The following ZNF766 variants were observed in gnomAD, a reference collection of about 807,000 sequenced individuals.
ZNF766 encodes the protein zinc finger protein 766.
ZNF766 carries 13 observed loss-of-function variants against 13.2 expected under a neutral mutation model. That is an observed-to-expected ratio of 0.98 (90% CI 0.64 to 1.56). The LOEUF is 1.56. Among genes scored for constraint, ZNF766 ranks in the 40% most tolerant of loss-of-function variants. The pLI, the probability that ZNF766 is intolerant of heterozygous loss-of-function variation, is 0.00. For synonymous variants in ZNF766, 178 were observed against 187.6 expected (o/e 0.95, Z 0.42); for missense variants, 521 against 552.2 (o/e 0.94, Z 0.57).
chr19:52,270,515 G>A (rs1980931388), intron 1 of ZNF766, among the ~76,000 whole-genome samples: 1 of 152,026 alleles, frequency 6.6e-6, no homozygotes. Context: ...GGGGAGAGGA[G>A]GAGGGATTTG....
rs771070693 is a variant in ZNF766, at chr19:52,290,241, A to G, written c.450A>G (p.Gln150=). The G allele has an allele frequency of 3.1e-6, 5 of 1,614,014 alleles. No individual in the cohort carries two copies. The highest frequency in any genetic ancestry group is 2.2e-5 in the South Asian group (2 of 91,078). Residue 150 remains glutamine (Q), a synonymous_variant, in exon 4 of 4, where the codon CAA becomes CAG. Coordinates refer to ENST00000439461, the MANE Select transcript of ZNF766 (RefSeq NM_001010851.3). The stretch of plus-strand genomic sequence containing the variant: ...ACAGTTCTTCAGTTTCGCCACTTCA[A>G]AGAATTTACTCTGGGGTCAAAACCC... ...ISHSSSVSPL[Q]RIYSGVKTHI... is the part of the protein sequence containing the mutation.
intron 1 of ZNF766, among the ~76,000 whole-genome samples, chr19:52,271,980 CAAAAAAAA>C (rs371229113): frequency 3.4e-5 from 3 of 89,194 alleles, no homozygotes; most frequent in Admixed American, 1.4e-4. Context: ...GAGACTGTCT[CAAAAAAAA>C]AAAAAAAAAA....
chr19:52,287,348 G>A (rs10409722), intron 3 of ZNF766, among the ~76,000 whole-genome samples: 27,588 of 151,586 alleles, frequency 0.18, 2,512 homozygotes, highest in East Asian at 0.26. Context: ...TCACTGTGTT[G>A]GTCAGGCTGG....
chr19:52,290,382 A>G lies in ZNF766; in HGVS notation c.591A>G (p.Arg197=), dbSNP rs767640364. 1.2e-6 allele frequency: 2 copies of G among 1,614,016 alleles called. No individual in the cohort carries two copies. The highest frequency in any genetic ancestry group is 3.3e-5 in the Admixed American group (2 of 60,026). ...YECNEQGKVF[R]VSSSLPNHQV... is the part of the protein sequence containing the mutation. The stretch of plus-strand genomic sequence containing the variant: ...GTAATGAGCAGGGCAAAGTCTTCAG[A>G]GTGTCTTCAAGCCTTCCTAATCATC... The change falls in exon 4 of 4, where the codon AGA becomes AGG. Residue 197 remains arginine, a synonymous_variant. Transcript: ENST00000439461.
intron 1 of ZNF766, among the ~76,000 whole-genome samples, chr19:52,281,156 A>C (rs1029547710): frequency 8.8e-5 from 13 of 148,362 alleles, no homozygotes; most frequent in African/African-American, 1.7e-4. Flanking sequence ...ACTCCATCTA[A>C]AAAAAAAAAA....
chr19:52,270,652 CAG>C (rs1189099167), intron 1 of ZNF766, among the ~76,000 whole-genome samples: 2 of 151,674 alleles, frequency 1.3e-5, no homozygotes, highest in Non-Finnish European at 2.9e-5. Context: ...GGGGGCGTGA[CAG>C]AGAAGAGGGA....
intron 1 of ZNF766, among the ~76,000 whole-genome samples, chr19:52,281,105 A>G (rs554492510): frequency 2.2e-4 from 33 of 151,374 alleles, no homozygotes; most frequent in African/African-American, 7.8e-4. Flanking sequence ...TGGTGAACCG[A>G]GATCGCACCA....
chr19:52,275,760 A>C (rs180709794), intron 1 of ZNF766, among the ~76,000 whole-genome samples: 325 of 143,270 alleles, frequency 2.3e-3, no homozygotes, highest in Non-Finnish European at 4.1e-3. Flanking sequence ...GGCTCACTGC[A>C]ACCTCCGCCT....
Position 52,294,716 on chromosome 19 carries a change from A to G in ZNF766, c.*3518A>G, listed in dbSNP as rs74670592. 18,745 of 151,932 alleles carry G rather than the reference A, an allele frequency of 0.12. 1,211 individuals carry two copies. Among genetic ancestry groups the G allele is most frequent in the East Asian group, 0.23 (1,207 of 5,170 alleles). 9.4% of individuals were successfully genotyped at this position (151,932 alleles called of 1,614,324 possible). A position where few individuals can be genotyped will look rare whatever the true frequency, so the allele number is the denominator to read the frequency against. On this transcript the variant is annotated 3_prime_UTR_variant, in exon 4 of 4. Coordinates refer to ENST00000439461, the MANE Select transcript of ZNF766 (RefSeq NM_001010851.3). ...GTTCAGACATCACAAAATGCAGTCAACTCTAGGACAACTCTAGCTTCCTCT... is the reference window on the plus strand; with the variant it reads ...GTTCAGACATCACAAAATGCAGTCAGCTCTAGGACAACTCTAGCTTCCTCT...
intron 1 of ZNF766, among the ~76,000 whole-genome samples, chr19:52,280,679 T>C (rs1433696909): frequency 4.6e-5 from 7 of 151,708 alleles, no homozygotes; most frequent in Non-Finnish European, 1.0e-4. Flanking sequence ...GCCTCCTGGG[T>C]TCAAGCGGTT....
intron 1 of ZNF766, chr19:52,281,367 A>G: frequency 3.9e-6 from 1 of 254,398 alleles, no homozygotes; most frequent in Non-Finnish European, 7.8e-6. Context: ...GAAAATACAA[A>G]AATTAGCCAG....
chr19:52,281,426 G>C (rs1239787593), intron 1 of ZNF766: 1 of 280,124 alleles, frequency 3.6e-6, no homozygotes, highest in Non-Finnish European at 7.0e-6. Flanking sequence ...GGCTGAGGCA[G>C]GAGAATTACT....
intron 3 of ZNF766, among the ~76,000 whole-genome samples, chr19:52,286,188 T>TCCCCCCCCCC (rs71254004): frequency 6.8e-5 from 10 of 146,606 alleles, no homozygotes; most frequent in African/African-American, 1.3e-4. Flanking sequence ...AGTGGGCTTT[T>TCCCCCCCCCC]CCCCCCTAAT....
At chr19:52,279,819 G>A (rs1279110732) in intron 1 of ZNF766, among the ~76,000 whole-genome samples, 6 of 98,836 alleles carry the variant, frequency 6.1e-5, no homozygotes, top group African/African-American at 1.8e-4. Flanking sequence ...TTTTTGAGAC[G>A]GAGTCTCACT....
rs750877390 is a variant in ZNF766, at chr19:52,269,621, A to G, written c.8A>G (p.Gln3Arg). 2 of 1,612,718 alleles carry G rather than the reference A, an allele frequency of 1.2e-6. No individual in the cohort carries two copies. The highest frequency in any genetic ancestry group is 4.5e-5 in the East Asian group (2 of 44,810). The change falls in exon 1 of 4, where the codon CAA becomes CGA. Residue 3 changes from glutamine (Q) to arginine (R), a missense_variant. Coordinates refer to ENST00000439461, the MANE Select transcript of ZNF766 (RefSeq NM_001010851.3). The stretch of plus-strand genomic sequence containing the variant: ...AGTGGATGGCGTGGAGATATGGCGC[A>G]ACTGCGGCGCGTGAGTTTTCCTTTG... MA[Q>R]LRRGHLTFRD...
intron 1 of ZNF766, among the ~76,000 whole-genome samples, chr19:52,271,473 T>C (rs1190044320): frequency 6.6e-6 from 1 of 152,152 alleles, no homozygotes; most frequent in Non-Finnish European, 1.5e-5. Flanking sequence ...GCCTGTGATC[T>C]CTACTCAGTA....
In ZNF766 at chr19:52,282,201, G is replaced by A. The variant is rs1218481389; in HGVS notation, c.109G>A (p.Val37Met). The stretch of plus-strand genomic sequence containing the variant: ...TGTGCAGAAGGCTTTATACAGGGAT[G>A]TGATGTTGGAGAACTACAGGAACCT... ...DPVQKALYRD[V>M]MLENYRNLVS... Residue 37 changes from valine (V) to methionine (M), a missense_variant, in exon 2 of 4, where the codon GTG becomes ATG. Coordinates refer to ENST00000439461, the MANE Select transcript of ZNF766 (RefSeq NM_001010851.3). 1 of 1,605,042 alleles carries A rather than the reference G, an allele frequency of 6.2e-7. No individual in the cohort carries two copies. Among genetic ancestry groups the A allele is most frequent in the South Asian group, 1.1e-5 (1 of 90,952 alleles).
Position 52,290,398 on chromosome 19 carries a change from C to T in ZNF766, c.607C>T (p.Pro203Ser), listed in dbSNP as rs540364996. The change falls in exon 4 of 4, where the codon CCT becomes TCT. Residue 203 changes from proline to serine, a missense_variant. By Grantham distance (74) the Pro-to-Ser change is moderately conservative. Transcript: ENST00000439461. ...GKVFRVSSSL[P>S]NHQVIHTADK... Reference sequence around the variant, plus strand: ...AGTCTTCAGAGTGTCTTCAAGCCTTCCTAATCATCAAGTAATCCACACTGC... The same window carrying T: ...AGTCTTCAGAGTGTCTTCAAGCCTTTCTAATCATCAAGTAATCCACACTGC... 5.6e-5 allele frequency: 91 copies of T among 1,613,892 alleles called. No homozygotes were observed. In the South Asian group the frequency reaches 9.6e-4, roughly 17 times the overall value.
At chr19:52,289,334 T>C (rs1287666196) in intron 3 of ZNF766, among the ~76,000 whole-genome samples, 1 of 151,676 alleles carries the variant, frequency 6.6e-6, no homozygotes, top group African/African-American at 2.4e-5. Context: ...TATTTTTGGG[T>C]GGAGACGGGG....
Sources: gnomAD v4.1 joint callset for allele counts (sites outside exome capture counted in the v4.1 genomes callset) on GRCh38, gnomAD v4.1.1 for gene constraint, MANE v1.5 for transcripts, NCBI Gene and HGNC (gene_info 2026-07-23, HGNC 2026-07-21) for gene names.